Variants in NPNT observed in about 807,000 individuals in gnomAD.
NPNT encodes the protein preosteoblast EGF-like repeat protein with MAM domain.
Under a neutral mutation model 68.6 loss-of-function variants are expected in NPNT, and 45 were observed. That is an observed-to-expected ratio of 0.66 (90% confidence interval 0.52 to 0.84). The LOEUF (loss-of-function observed/expected upper bound fraction) is 0.84. Ranked by LOEUF, NPNT falls within the 40% of genes least tolerant of loss-of-function variation. The pLI is 0.00. For missense variants in NPNT, 672 were observed against 714.8 expected, an observed-to-expected ratio of 0.94 and a Z score of 0.68; for synonymous variants, 233 against 253.3, an observed-to-expected ratio of 0.92 and a Z score of 0.76.
intron 3 of NPNT, among the ~76,000 whole-genome samples, chr4:105,932,905 A>G (rs1289372476): frequency 6.6e-6 from 1 of 152,222 alleles, no homozygotes; most frequent in African/African-American, 2.4e-5. Context: ...CTTTTAATGC[A>G]TCGAGTATCA....
intron 2 of NPNT, among the ~76,000 whole-genome samples, chr4:105,910,810 G>A (rs1438445594): frequency 6.6e-6 from 1 of 151,966 alleles, no homozygotes; most frequent in Non-Finnish European, 1.5e-5. Flanking sequence ...GGAAAAATAT[G>A]ACCCAACCTT....
At chr4:105,959,230 T>A in intron 10 of NPNT, 104 bp downstream of exon 10, 1 of 710,918 alleles carries the variant, frequency 1.4e-6, no homozygotes, top group South Asian at 1.7e-5. Flanking sequence ...TCTCTGTGTT[T>A]ACTTGATAAA....
intron 8 of NPNT, among the ~76,000 whole-genome samples, chr4:105,956,404 A>G (rs1731227437): frequency 6.6e-6 from 1 of 151,942 alleles, no homozygotes. Context: ...TTTATAAAAC[A>G]GGCTCCCGGT....
chr4:105,952,920 G>A (rs1007111400), intron 8 of NPNT, among the ~76,000 whole-genome samples: 2 of 152,150 alleles, frequency 1.3e-5, no homozygotes, highest in African/African-American at 2.4e-5. Flanking sequence ...TAGAAGAGAG[G>A]AGAAGGGGAG....
intron 2 of NPNT, among the ~76,000 whole-genome samples, chr4:105,915,070 T>C (rs1463655263): frequency 6.6e-6 from 1 of 152,126 alleles, no homozygotes; most frequent in Admixed American, 6.6e-5. Context: ...GCTTGGAGTG[T>C]TTGTAGTTGT....
At chr4:105,925,232 T>C (rs908064658) in intron 2 of NPNT, among the ~76,000 whole-genome samples, 1 of 152,334 alleles carries the variant, frequency 6.6e-6, no homozygotes, top group East Asian at 1.9e-4. Flanking sequence ...TTGAATTTAA[T>C]GCCATGTTTA....
At chr4:105,947,665 C>T (rs1317713599) in intron 8 of NPNT, among the ~76,000 whole-genome samples, 1 of 152,160 alleles carries the variant, frequency 6.6e-6, no homozygotes, top group Non-Finnish European at 1.5e-5. Context: ...GGAGATGACT[C>T]ACTCTTCGCT....
chr4:105,901,959 T>C (rs1218580349), intron 2 of NPNT, among the ~76,000 whole-genome samples: 2 of 152,226 alleles, frequency 1.3e-5, no homozygotes, highest in Non-Finnish European at 2.9e-5. Flanking sequence ...GAATTATTTC[T>C]TTCTGCATTT....
At chr4:105,939,447 G>T (rs752276425) in intron 5 of NPNT, among the ~76,000 whole-genome samples, 1 of 152,190 alleles carries the variant, frequency 6.6e-6, no homozygotes, top group African/African-American at 2.4e-5. Context: ...TGAAGTAGGT[G>T]AGGGTGATTT....
chr4:105,945,634 A>G (rs1005937304), intron 8 of NPNT, among the ~76,000 whole-genome samples: 6 of 152,218 alleles, frequency 3.9e-5, no homozygotes, highest in Admixed American at 1.3e-4. Flanking sequence ...TTTTCTCACC[A>G]ACTCCAGTGC....
At chr4:105,899,074 T>G (rs1489722783) in intron 2 of NPNT, among the ~76,000 whole-genome samples, 2 of 152,092 alleles carry the variant, frequency 1.3e-5, no homozygotes, top group East Asian at 3.9e-4. Context: ...TCAGGCAAAT[T>G]TAAGTTCAGG....
intron 2 of NPNT, among the ~76,000 whole-genome samples, chr4:105,920,669 C>T (rs1728195862): frequency 6.6e-6 from 1 of 151,806 alleles, no homozygotes; most frequent in Non-Finnish European, 1.5e-5. Context: ...GCGGGGGACA[C>T]TTCAGGAATT....
intron 2 of NPNT, among the ~76,000 whole-genome samples, chr4:105,905,969 T>G (rs762161824): frequency 6.6e-6 from 1 of 152,230 alleles, no homozygotes; most frequent in Non-Finnish European, 1.5e-5. Flanking sequence ...TAAATTGATT[T>G]CTTTATTTCT....
chr4:105,908,170 G>A (rs1432345899), intron 2 of NPNT, among the ~76,000 whole-genome samples: 3 of 151,640 alleles, frequency 2.0e-5, no homozygotes, highest in Non-Finnish European at 4.4e-5. Flanking sequence ...TTTTTTATTA[G>A]GAGACTTCAT....
In NPNT at chr4:105,971,468, G is replaced by A. The variant is rs1732561558; in HGVS notation, c.*2478G>A. On this transcript the variant is annotated 3_prime_UTR_variant, in exon 12 of 12. Coordinates refer to ENST00000379987, the MANE Select transcript of NPNT (RefSeq NM_001033047.3). ...TCCTTTATGGTCATATAACTGCACA[G>A]CTGAAGATGAAAGGGGAAAATAAAT... 2 of 181,160 alleles carry A rather than the reference G, an allele frequency of 1.1e-5. No individual in the cohort carries two copies. The highest frequency in any genetic ancestry group is 1.2e-4 in the South Asian group (1 of 8,362). The allele number at this position is 181,160 out of a possible 1,614,324, so 11.2% of individuals were successfully genotyped here. A position where few individuals can be genotyped will look rare whatever the true frequency, so the allele number is the denominator to read the frequency against.
At chr4:105,962,104 G>A (rs932880371) in intron 10 of NPNT, among the ~76,000 whole-genome samples, 4 of 152,160 alleles carry the variant, frequency 2.6e-5, no homozygotes, top group African/African-American at 7.2e-5. Flanking sequence ...CAATCTAAGC[G>A]AACCTTGTGA....
At chr4:105,963,921 T>A (rs986140615) in intron 10 of NPNT, among the ~76,000 whole-genome samples, 1 of 152,072 alleles carries the variant, frequency 6.6e-6, no homozygotes, top group African/African-American at 2.4e-5. Context: ...TTGATTATGT[T>A]CTCAGAGAGA....
In NPNT at chr4:105,945,685, C is replaced by A. The variant is rs183897309; in HGVS notation, c.1159+2983C>A. ...AGCCATCTCTCCCCTGGAATACAGG[C>A]CCAAAATCCTTTATCCAAATAACTT... On this transcript the variant is annotated intron_variant, in intron 8 of 11. Coordinates refer to ENST00000379987, the MANE Select transcript of NPNT (RefSeq NM_001033047.3). Among the ~76,000 whole-genome samples, 147 of 152,338 alleles carry A rather than the reference C, an allele frequency of 9.6e-4. 1 individual carries two copies. Among genetic ancestry groups the A allele is most frequent in the Middle Eastern group, 6.8e-3 (2 of 294 alleles).
At chr4:105,937,464 A>G (rs912342021) in intron 4 of NPNT, among the ~76,000 whole-genome samples, 4 of 151,722 alleles carry the variant, frequency 2.6e-5, no homozygotes, top group Non-Finnish European at 5.9e-5. Flanking sequence ...AAAAAAAAAA[A>G]AAAAAGAACA....
Sources: allele counts gnomAD v4.1 joint callset (sites outside exome capture counted in the v4.1 genomes callset), GRCh38; gene constraint gnomAD v4.1.1; transcripts MANE v1.5; gene names NCBI Gene and HGNC (gene_info 2026-07-23, HGNC 2026-07-21).